Variants in ROBO2 observed in about 807,000 individuals in gnomAD.
ROBO2 encodes roundabout guidance receptor 2, also known as roundabout homolog 2.
A neutral mutation model predicts 160.8 loss-of-function variants in ROBO2; 53 were observed. That is an observed-to-expected ratio of 0.33 (90% confidence interval 0.26 to 0.41). ROBO2 has a LOEUF of 0.41. Among genes scored for constraint, ROBO2 ranks in the 10% least tolerant of loss-of-function variants. The pLI, the probability that ROBO2 is intolerant of heterozygous loss-of-function variation, is 1.00. For synonymous variants in ROBO2, 664 were observed against 611.7 expected, an observed-to-expected ratio of 1.09 and a Z score of -1.26; for missense variants, 1,577 against 1,722.4, an observed-to-expected ratio of 0.92 and a Z score of 1.49.
At chr3:76,286,667 C>T (rs1350183381) in intron 2 of ROBO2, among the ~76,000 whole-genome samples, 1 of 151,888 alleles carries the variant, frequency 6.6e-6, no homozygotes, top group East Asian at 1.9e-4. Context: ...ACAGTGAGGA[C>T]TATGTATGTC....
chr3:77,409,631 T>G (rs1242914828), intron 2 of ROBO2, among the ~76,000 whole-genome samples: 1 of 152,116 alleles, frequency 6.6e-6, no homozygotes, highest in Non-Finnish European at 1.5e-5. Flanking sequence ...TACAGATTCC[T>G]GTAAATGTTC....
chr3:76,751,596 G>T (rs2108238165), intron 2 of ROBO2, among the ~76,000 whole-genome samples: 1 of 151,958 alleles, frequency 6.6e-6, no homozygotes, highest in African/African-American at 2.4e-5. Context: ...ATTTATAAGA[G>T]AAAATCAAAC....
intron 12 of ROBO2, among the ~76,000 whole-genome samples, chr3:77,566,311 A>G (rs2153664575): frequency 6.6e-6 from 1 of 152,162 alleles, no homozygotes; most frequent in Non-Finnish European, 1.5e-5. Context: ...CCATGGCGAT[A>G]AAGGGCCTGT....
intron 14 of ROBO2, among the ~76,000 whole-genome samples, chr3:77,575,467 C>T (rs889025032): frequency 6.6e-6 from 1 of 152,028 alleles, no homozygotes. Context: ...ATATTTCATA[C>T]AAAATAAGAG....
intron 2 of ROBO2, among the ~76,000 whole-genome samples, chr3:77,289,142 T>G (rs1016363810): frequency 1.3e-5 from 2 of 152,170 alleles, no homozygotes; most frequent in African/African-American, 4.8e-5. Flanking sequence ...TGAAGTTTAT[T>G]TATAGGCTCT....
chr3:77,635,397 C>CA (rs1225041177), intron 24 of ROBO2, among the ~76,000 whole-genome samples: 1 of 152,026 alleles, frequency 6.6e-6, no homozygotes, highest in Non-Finnish European at 1.5e-5. Context: ...TATTAAATTA[C>CA]AATATCTTAG....
At chr3:76,766,700 G>A (rs1021146829) in intron 2 of ROBO2, among the ~76,000 whole-genome samples, 2 of 151,572 alleles carry the variant, frequency 1.3e-5, no homozygotes, top group African/African-American at 4.8e-5. Flanking sequence ...TAACAACAAA[G>A]TTGGGGGTGG....
At chr3:77,335,911 T>C (rs774864945) in intron 2 of ROBO2, among the ~76,000 whole-genome samples, 16 of 152,184 alleles carry the variant, frequency 1.1e-4, no homozygotes, top group Non-Finnish European at 2.4e-4. Flanking sequence ...GATGTCCTAA[T>C]GGTTTGATGG....
chr3:77,282,592 A>G (rs1291730881), intron 2 of ROBO2, among the ~76,000 whole-genome samples: 1 of 152,102 alleles, frequency 6.6e-6, no homozygotes, highest in African/African-American at 2.4e-5. Context: ...AATAAATATA[A>G]TATTCCCAAA....
chr3:77,577,223 G>C (rs912934714), intron 14 of ROBO2, among the ~76,000 whole-genome samples: 2 of 152,014 alleles, frequency 1.3e-5, no homozygotes, highest in Non-Finnish European at 2.9e-5. Flanking sequence ...AGCTCTGTGC[G>C]GGGTGTATAG....
In ROBO2 at chr3:76,707,731, G is replaced by GTGTATA. The variant is rs376823667; in HGVS notation, c.110-390282_110-390281insGTATAT. Among the ~76,000 whole-genome samples the GTGTATA allele has an allele frequency of 1.8e-4, 24 of 134,214 alleles. No individual in the cohort carries two copies. In the East Asian group the frequency reaches 2.4e-3, roughly 13 times the overall value. 88.0% of individuals were successfully genotyped at this position (134,214 alleles called of 152,430 possible). ...CACACACATTAGAATACATGTGTGT[G>GTGTATA]TATATATATATATATATATATATAT... On this transcript the variant is annotated intron_variant, in intron 2 of 26. Coordinates refer to the ROBO2 transcript ENST00000487694.
intron 2 of ROBO2, among the ~76,000 whole-genome samples, chr3:76,433,833 T>TA (rs1577155224): frequency 6.6e-6 from 1 of 152,234 alleles, no homozygotes; most frequent in East Asian, 1.9e-4. Context: ...CCTTAAACCT[T>TA]AAAGACATAA....
intron 2 of ROBO2, among the ~76,000 whole-genome samples, chr3:76,493,996 A>G (rs2079997266): frequency 6.6e-6 from 1 of 152,178 alleles, no homozygotes; most frequent in Non-Finnish European, 1.5e-5. Flanking sequence ...ACTCCCAGGC[A>G]TGTACCCCAA....
intron 2 of ROBO2, among the ~76,000 whole-genome samples, chr3:76,532,356 C>T (rs577636130): frequency 3.3e-4 from 51 of 152,302 alleles, no homozygotes; most frequent in Middle Eastern, 3.4e-3. Flanking sequence ...TCTTACTTGA[C>T]ATGCACACTT....
intron 20 of ROBO2, among the ~76,000 whole-genome samples, chr3:77,606,232 A>G (rs1173506888): frequency 1.3e-5 from 2 of 152,080 alleles, no homozygotes; most frequent in Non-Finnish European, 2.9e-5. Flanking sequence ...AAAAAAGAAC[A>G]CAAATGAGTG....
At chr3:76,535,700 G>T (rs1466045044) in intron 2 of ROBO2, among the ~76,000 whole-genome samples, 1 of 152,100 alleles carries the variant, frequency 6.6e-6, no homozygotes, top group Non-Finnish European at 1.5e-5. Flanking sequence ...ACACCAGAGT[G>T]GGGGAGTTTT....
intron 20 of ROBO2, among the ~76,000 whole-genome samples, chr3:77,606,639 G>T (rs2094531158): frequency 6.6e-6 from 1 of 152,176 alleles, no homozygotes; most frequent in African/African-American, 2.4e-5. Flanking sequence ...ACTTCCTGGT[G>T]CTCAAATATG....
At chr3:76,346,109 G>A (rs1000725286) in intron 2 of ROBO2, among the ~76,000 whole-genome samples, 10 of 151,928 alleles carry the variant, frequency 6.6e-5, no homozygotes, top group African/African-American at 2.4e-4. Flanking sequence ...TTGTCCTTCT[G>A]GAAGCTTCCC....
intron 1 of ROBO2, among the ~76,000 whole-genome samples, chr3:75,909,453 T>C (rs1946474797): frequency 6.6e-6 from 1 of 152,232 alleles, no homozygotes; most frequent in African/African-American, 2.4e-5. Context: ...ATAAAATTGA[T>C]AGTTACCTTG....
Sources: allele counts gnomAD v4.1 joint callset (sites outside exome capture counted in the v4.1 genomes callset), GRCh38; gene constraint gnomAD v4.1.1; transcripts MANE v1.5; gene names NCBI Gene and HGNC (gene_info 2026-07-23, HGNC 2026-07-21).